The following MMD2 variants were observed in gnomAD, a reference collection of about 807,000 sequenced individuals.
MMD2 encodes the protein monocyte to macrophage differentiation associated 2.
In MMD2, 30 loss-of-function variants were observed where a neutral mutation model predicts 33.5. That is an observed-to-expected ratio of 0.90 (90% CI 0.67 to 1.22). The LOEUF is 1.22. MMD2 is among the 50% of genes most tolerant of loss of function. MMD2 has a pLI of 0.00. For missense variants in MMD2, 364 were observed against 325.4 expected (o/e 1.12, Z -0.91); for synonymous variants, 129 against 123.0 (o/e 1.05, Z -0.32).
chr7:4,921,819 GGC>G (rs1358754767), intron 2 of MMD2, among the ~76,000 whole-genome samples: 2 of 152,152 alleles, frequency 1.3e-5, no homozygotes, highest in Non-Finnish European at 1.5e-5. Context: ...AGAATGGGAT[GGC>G]TCCTTAATAA....
downstream of MMD2, among the ~76,000 whole-genome samples, chr7:4,904,370 C>G (rs1408022168): frequency 1.3e-5 from 2 of 152,148 alleles, no homozygotes; most frequent in Non-Finnish European, 2.9e-5. Context: ...CATCCAGGGT[C>G]TGGGCTTGGG....
At chr7:4,941,927 T>A (rs2942556) in intron 1 of MMD2, among the ~76,000 whole-genome samples, 97,551 of 151,286 alleles carry the variant, frequency 0.64, 32,057 homozygotes, top group South Asian at 0.75. Context: ...GTGGTGCAAC[T>A]TTCCTGGTGC....
rs903169229 is a variant in MMD2 at position 4,906,761 on chromosome 7, C to T, written c.*635G>A. The T allele has an allele frequency of 1.6e-5, 6 of 386,512 alleles. No homozygotes were observed. The highest frequency in any genetic ancestry group is 2.3e-5 in the Non-Finnish European group (5 of 218,706). The allele number at this position is 386,512 out of a possible 1,614,324, so 23.9% of individuals were successfully genotyped here. A position where few individuals can be genotyped will look rare whatever the true frequency, so the allele number is the denominator to read the frequency against. On this transcript the variant is annotated 3_prime_UTR_variant, in exon 7 of 7. Coordinates refer to ENST00000401401, the MANE Select transcript of MMD2 (RefSeq NM_198403.4). ...GATTTTCAGCTACTCTGGCCATTAT[C>T]CCATTTCAGAGCACACCAGACAGGA...
rs1418735811 is a variant in MMD2, at chr7:4,907,499, G to A, written c.638C>T (p.Ala213Val). The part of the protein sequence containing the change: ...KSDGRIPFAH[A>V]IWHLFVAFGA... ...AAATGCTACAAAGAGATGCCAGATGGCGTGGGCAAAGGGGATCCTCCCGTC... is the reference window on the plus strand; with the variant it reads ...AAATGCTACAAAGAGATGCCAGATGACGTGGGCAAAGGGGATCCTCCCGTC... Residue 213 changes from alanine to valine, a missense_variant, in exon 7 of 7, where the codon GCC becomes GTC. Ala to Val is a moderately conservative substitution (Grantham distance 64). Coordinates refer to ENST00000401401, the MANE Select transcript of MMD2 (RefSeq NM_198403.4). 14 of 1,613,840 alleles carry A rather than the reference G, an allele frequency of 8.7e-6. No homozygotes were observed. The highest frequency in any genetic ancestry group is 1.2e-5 in the Non-Finnish European group (14 of 1,179,908).
intron 1 of MMD2, among the ~76,000 whole-genome samples, chr7:4,935,781 A>T (rs1785724909): frequency 6.6e-6 from 1 of 151,776 alleles, no homozygotes; most frequent in South Asian, 2.1e-4. Context: ...CTTGCTTTGG[A>T]CCCTGTACTT....
intron 1 of MMD2, among the ~76,000 whole-genome samples, chr7:4,935,279 G>A (rs1025002395): frequency 1.4e-4 from 22 of 152,196 alleles, no homozygotes; most frequent in Middle Eastern, 3.4e-3. Context: ...TATGAGCCAG[G>A]AGGTCGACGC....
intron 4 of MMD2, among the ~76,000 whole-genome samples, chr7:4,912,232 G>T (rs563699947): frequency 1.3e-5 from 2 of 152,176 alleles, no homozygotes; most frequent in East Asian, 1.9e-4. Context: ...GAACCAAGAA[G>T]AATAAGATGA....
chr7:4,942,529 A>G (rs984674874), intron 1 of MMD2, among the ~76,000 whole-genome samples: 5 of 151,802 alleles, frequency 3.3e-5, no homozygotes, highest in African/African-American at 1.2e-4. Context: ...CAGCCTCTCA[A>G]AGTGCTGGGA....
At chr7:4,932,904 C>T (rs906761804) in intron 1 of MMD2, among the ~76,000 whole-genome samples, 4 of 151,740 alleles carry the variant, frequency 2.6e-5, no homozygotes, top group African/African-American at 4.8e-5. Context: ...GGATTACAGG[C>T]GTGAGCCACC....
chr7:4,933,940 CTTTT>C (rs71032998), intron 1 of MMD2, among the ~76,000 whole-genome samples: 16,625 of 118,970 alleles, frequency 0.14, 1,277 homozygotes, highest in Admixed American at 0.24. Flanking sequence ...GCCACAATGC[CTTTT>C]TTTTTTTTTT....
At chr7:4,934,129 C>T (rs528298268) in intron 1 of MMD2, among the ~76,000 whole-genome samples, 4 of 150,560 alleles carry the variant, frequency 2.7e-5, no homozygotes, top group Non-Finnish European at 5.9e-5. Context: ...GAGGTTTTGC[C>T]ATGTTGGCCA....
At chr7:4,945,185 TTTCTTCTTCTTCTTC>T (rs778065489) in intron 1 of MMD2, among the ~76,000 whole-genome samples, 92 of 93,538 alleles carry the variant, frequency 9.8e-4, no homozygotes, top group African/African-American at 3.2e-3. Context: ...CCTCTTCCTC[TTTCTTCTTCTTCTTC>T]TTCTTCTTCT....
intron 2 of MMD2, among the ~76,000 whole-genome samples, chr7:4,922,617 C>T (rs116188632): frequency 1.3e-5 from 2 of 152,010 alleles, no homozygotes; most frequent in Non-Finnish European, 2.9e-5. Flanking sequence ...CTCTGTTGCC[C>T]AGGCTGGAGT....
intron 1 of MMD2, among the ~76,000 whole-genome samples, chr7:4,935,631 T>C (rs963808926): frequency 6.8e-5 from 10 of 146,084 alleles, no homozygotes; most frequent in Non-Finnish European, 1.0e-4. Context: ...TGAGCCATGA[T>C]TGAGCCACTG....
chr7:4,933,737 T>C (rs1016773733), intron 1 of MMD2, among the ~76,000 whole-genome samples: 6 of 151,838 alleles, frequency 4.0e-5, no homozygotes, highest in African/African-American at 1.5e-4. Context: ...GGCCCAATCA[T>C]TCCTCCTGCC....
At chr7:4,942,228 C>G (rs1785929132) in intron 1 of MMD2, among the ~76,000 whole-genome samples, 1 of 151,940 alleles carries the variant, frequency 6.6e-6, no homozygotes, top group African/African-American at 2.4e-5. Flanking sequence ...GCTGGGATTA[C>G]AGGCATGAGC....
At chr7:4,926,012 G>A (rs1785415591) in intron 1 of MMD2, among the ~76,000 whole-genome samples, 2 of 152,004 alleles carry the variant, frequency 1.3e-5, no homozygotes, top group Admixed American at 1.3e-4. Context: ...CACCATGTTG[G>A]CCAGGCTGGT....
At chr7:4,925,324 C>CA in intron 2 of MMD2, 127 bp downstream of exon 2, 1 of 451,652 alleles carries the variant, frequency 2.2e-6, no homozygotes, top group Non-Finnish European at 3.4e-6. Context: ...CAGTGGCCTT[C>CA]CCTGAGGGCC....
chr7:4,925,213 G>A (rs1003606249), intron 2 of MMD2, among the ~76,000 whole-genome samples: 1 of 152,130 alleles, frequency 6.6e-6, no homozygotes, highest in Non-Finnish European at 1.5e-5. Context: ...TTATAGGCAT[G>A]AGCCACCATG....
Sources: gnomAD v4.1 joint callset for allele counts (sites outside exome capture counted in the v4.1 genomes callset) on GRCh38, gnomAD v4.1.1 for gene constraint, MANE v1.5 for transcripts, NCBI Gene and HGNC (gene_info 2026-07-23, HGNC 2026-07-21) for gene names.